The following ANK3 variants were observed in gnomAD, a reference collection of about 807,000 sequenced individuals.
ANK3 encodes the protein ankyrin-3.
Under a neutral mutation model 370.9 loss-of-function variants are expected in ANK3, and 57 were observed. The observed-to-expected ratio is 0.15, with a 90% CI of 0.12 to 0.19. The LOEUF is 0.19. Among genes scored for constraint, ANK3 ranks in the 10% least tolerant of loss-of-function variants. The pLI is 1.00. For synonymous variants in ANK3, 1,929 were observed against 1,946.3 expected (o/e 0.99, Z 0.23); for missense variants, 4,439 against 5,302.1 (o/e 0.84, Z 5.06).
chr10:60,100,537 T>C (rs1380581123), intron 28 of ANK3, among the ~76,000 whole-genome samples: 3 of 152,210 alleles, frequency 2.0e-5, no homozygotes, highest in East Asian at 3.8e-4. Context: ...AAAAATTTTC[T>C]GTTACATAGC....
intron 2 of ANK3, among the ~76,000 whole-genome samples, chr10:60,522,688 AT>A (rs1436125460): frequency 2.0e-5 from 3 of 152,090 alleles, no homozygotes; most frequent in Admixed American, 2.0e-4. Context: ...CTAAATGGAG[AT>A]AGTAATATCC....
At chr10:60,036,450 T>G (rs2075009236) in intron 43 of ANK3, among the ~76,000 whole-genome samples, 1 of 117,928 alleles carries the variant, frequency 8.5e-6, no homozygotes. Context: ...TTTTTTTTTT[T>G]TTTGAGACGG....
chr10:60,195,007 G>A (rs1489765658), intron 16 of ANK3, among the ~76,000 whole-genome samples: 1 of 152,146 alleles, frequency 6.6e-6, no homozygotes, highest in African/African-American at 2.4e-5. Flanking sequence ...TCATTCATCT[G>A]TGTATACAAT....
intron 2 of ANK3, among the ~76,000 whole-genome samples, chr10:60,516,841 C>A (rs1410852433): frequency 1.3e-5 from 2 of 152,074 alleles, no homozygotes; most frequent in Admixed American, 1.3e-4. Context: ...CTAAAGGGAT[C>A]ACAGAGCAGA....
At chr10:60,667,649 T>C (rs1433200064) in intron 1 of ANK3, among the ~76,000 whole-genome samples, 1 of 151,540 alleles carries the variant, frequency 6.6e-6, no homozygotes, top group Non-Finnish European at 1.5e-5. Flanking sequence ...GTAACCTAGC[T>C]TGTCTTACTC....
At chr10:60,724,073 G>A (rs749436623) in intron 1 of ANK3, among the ~76,000 whole-genome samples, 2 of 129,594 alleles carry the variant, frequency 1.5e-5, no homozygotes, top group East Asian at 2.4e-4. Context: ...AGCCAGGTGT[G>A]GTGGCGGGCG....
intron 16 of ANK3, among the ~76,000 whole-genome samples, chr10:60,192,738 G>A (rs1007463597): frequency 6.6e-6 from 1 of 152,016 alleles, no homozygotes; most frequent in African/African-American, 2.4e-5. Context: ...TCTCTAATGG[G>A]TACAATGTAC....
At chr10:60,502,779 A>G (rs10047402) in intron 2 of ANK3, among the ~76,000 whole-genome samples, 1 of 147,910 alleles carries the variant, frequency 6.8e-6, no homozygotes, top group African/African-American at 2.5e-5. Context: ...AAGAAAGAAA[A>G]GAAAGAAAGA....
chr10:60,620,268 C>G (rs1014292099), intron 1 of ANK3, among the ~76,000 whole-genome samples: 3 of 152,092 alleles, frequency 2.0e-5, no homozygotes, highest in African/African-American at 7.2e-5. Flanking sequence ...ATTCAAAATG[C>G]ATCTCCATCA....
At chr10:60,205,364 A>T (rs925951096) in intron 11 of ANK3, among the ~76,000 whole-genome samples, 8 of 152,142 alleles carry the variant, frequency 5.3e-5, no homozygotes, top group Non-Finnish European at 8.8e-5. Flanking sequence ...TGTATACTGT[A>T]AACTGTTTAG....
intron 1 of ANK3, among the ~76,000 whole-genome samples, chr10:60,282,815 A>G (rs1219930413): frequency 2.6e-5 from 4 of 152,114 alleles, no homozygotes; most frequent in Non-Finnish European, 1.5e-5. Flanking sequence ...AACCATAACA[A>G]CCACCCACTT....
intron 25 of ANK3, among the ~76,000 whole-genome samples, chr10:60,122,783 A>G (rs1238530751): frequency 6.6e-6 from 1 of 152,198 alleles, no homozygotes; most frequent in African/African-American, 2.4e-5. Context: ...TCACAATCTG[A>G]TCATTTATGG....
intron 1 of ANK3, among the ~76,000 whole-genome samples, chr10:60,674,158 T>A (rs540367803): frequency 6.6e-6 from 1 of 152,158 alleles, no homozygotes; most frequent in African/African-American, 2.4e-5. Context: ...ATTCCAATAA[T>A]TTTTTTTCTT....
chr10:60,673,505 C>G (rs1465559912), intron 1 of ANK3, among the ~76,000 whole-genome samples: 3 of 152,114 alleles, frequency 2.0e-5, no homozygotes, highest in African/African-American at 7.2e-5. Context: ...TGCCTGCCAC[C>G]ACACCTAGCT....
At chr10:60,477,305 T>C (rs1414228245) in intron 2 of ANK3, among the ~76,000 whole-genome samples, 1 of 152,050 alleles carries the variant, frequency 6.6e-6, no homozygotes, top group Non-Finnish European at 1.5e-5. Flanking sequence ...AAGATCATCA[T>C]TCTCAACTGG....
intron 2 of ANK3, among the ~76,000 whole-genome samples, chr10:60,445,472 G>A (rs185901950): frequency 6.8e-6 from 1 of 146,906 alleles, no homozygotes; most frequent in East Asian, 2.0e-4. Context: ...TTATTAAGCT[G>A]ACAATAGTGA....
chr10:60,421,358 G>C (rs1005820871), intron 2 of ANK3, among the ~76,000 whole-genome samples: 3 of 151,868 alleles, frequency 2.0e-5, no homozygotes, highest in Non-Finnish European at 4.4e-5. Flanking sequence ...CAATAAAAAA[G>C]TGGAGAAAAA....
At chr10:60,710,493 CA>C (rs1328520371) in intron 1 of ANK3, among the ~76,000 whole-genome samples, 2 of 152,050 alleles carry the variant, frequency 1.3e-5, no homozygotes, top group Non-Finnish European at 2.9e-5. Context: ...GACCAGCATC[CA>C]CATATATTTT....
chr10:60,114,490 G>A (rs1304443625), intron 25 of ANK3, among the ~76,000 whole-genome samples, 159 bp from the exon 26 acceptor site: 1 of 152,108 alleles, frequency 6.6e-6, no homozygotes, highest in Non-Finnish European at 1.5e-5. Flanking sequence ...ATTGAAATCT[G>A]AGTGTAATGT....
Sources: allele counts gnomAD v4.1 joint callset (sites outside exome capture counted in the v4.1 genomes callset), GRCh38; gene constraint gnomAD v4.1.1; transcripts MANE v1.5; gene names NCBI Gene and HGNC (gene_info 2026-07-23, HGNC 2026-07-21).